Variants in CACNA2D3 observed in about 807,000 individuals in gnomAD.
CACNA2D3 encodes voltage-dependent calcium channel subunit alpha-2/delta-3.
A neutral mutation model predicts 160.6 loss-of-function variants in CACNA2D3; 60 were observed. The ratio of observed to expected loss-of-function variants is 0.37; its 90% CI spans 0.30 to 0.46. The LOEUF is 0.46. CACNA2D3 is among the 20% of genes least tolerant of loss of function. The probability of loss-of-function intolerance (pLI) is 1.00; values close to 1 mark genes in which losing one functional copy is unlikely to be tolerated. For synonymous variants in CACNA2D3, 558 were observed against 492.9 expected (o/e 1.13, Z -1.75); for missense variants, 1,205 against 1,365.0 (o/e 0.88, Z 1.85).
At chr3:54,499,283 G>T (rs1018777705) in intron 4 of CACNA2D3, among the ~76,000 whole-genome samples, 3 of 152,082 alleles carry the variant, frequency 2.0e-5, no homozygotes, top group Admixed American at 1.3e-4. Flanking sequence ...GATTCCTTGG[G>T]ACTTTGCCTC....
chr3:54,935,313 T>A (rs1473679697), intron 27 of CACNA2D3, among the ~76,000 whole-genome samples: 2 of 152,168 alleles, frequency 1.3e-5, no homozygotes, highest in Non-Finnish European at 2.9e-5. Context: ...ATCTTCCCAA[T>A]GTCAGCCTTC....
At chr3:54,793,065 G>A (rs1702794738) in intron 13 of CACNA2D3, among the ~76,000 whole-genome samples, 1 of 152,176 alleles carries the variant, frequency 6.6e-6, no homozygotes, top group Non-Finnish European at 1.5e-5. Flanking sequence ...AGTGATGGGA[G>A]ACTTATACCT....
intron 7 of CACNA2D3, 47 bp from the exon 8 acceptor site, chr3:54,569,907 G>T (rs768762688): frequency 4.3e-6 from 7 of 1,613,292 alleles, no homozygotes; most frequent in Non-Finnish European, 5.9e-6. Context: ...ATCTTGAAGA[G>T]AAGTGAAGTC....
At chr3:55,029,222 C>T (rs1703631755) in intron 35 of CACNA2D3, among the ~76,000 whole-genome samples, 1 of 152,114 alleles carries the variant, frequency 6.6e-6, no homozygotes, top group Admixed American at 6.6e-5. Context: ...AAGAAGGTGG[C>T]CTCTGGGACT....
Position 55,037,844 on chromosome 3 carries a change from A to G in CACNA2D3, c.2987+19527A>G, listed in dbSNP as rs578220453. ...TAAGGTACAACCCTGCCGTTTTTAGATGAAAGTAAATATATTTTATTAAAT... is the reference window on the plus strand; with the variant it reads ...TAAGGTACAACCCTGCCGTTTTTAGGTGAAAGTAAATATATTTTATTAAAT... On this transcript the variant is annotated intron_variant, in intron 35 of 37. Transcript: ENST00000474759. Among the ~76,000 whole-genome samples, 7 of 152,304 alleles carry G rather than the reference A, an allele frequency of 4.6e-5. No individual in the cohort carries two copies. In the South Asian group the frequency reaches 1.5e-3, roughly 32 times the overall value.
chr3:54,268,000 G>T (rs1702552130), intron 2 of CACNA2D3, among the ~76,000 whole-genome samples: 1 of 152,078 alleles, frequency 6.6e-6, no homozygotes, highest in Admixed American at 6.6e-5. Flanking sequence ...AGTTAGAATT[G>T]ATGAAAAAAT....
intron 9 of CACNA2D3, chr3:54,626,196 T>A (rs1699096366): frequency 1.3e-6 from 1 of 789,822 alleles, no homozygotes; most frequent in Admixed American, 2.1e-5. Context: ...AGAGAGCTCT[T>A]TTCTGAGGAT....
intron 14 of CACNA2D3, among the ~76,000 whole-genome samples, chr3:54,833,105 G>C (rs533323005): frequency 6.6e-6 from 1 of 152,328 alleles, no homozygotes; most frequent in Non-Finnish European, 1.5e-5. Context: ...ACAGGAAGCA[G>C]TCAATCTGTT....
rs578100218 is a variant in CACNA2D3, at chr3:54,756,204, G to T, written c.1246+3527G>T. Among the ~76,000 whole-genome samples the T allele has an allele frequency of 9.2e-4, 140 of 152,218 alleles. 1 individual carries two copies. The highest frequency in any genetic ancestry group is 3.3e-3 in the African/African-American group (137 of 41,532). Reference sequence around the variant, plus strand: ...CTCCTTCCCTTCCTGTCTACATCCAGTTATTTCCCTTCCTACCAGAGTCAG... The same window carrying T: ...CTCCTTCCCTTCCTGTCTACATCCATTTATTTCCCTTCCTACCAGAGTCAG... On this transcript the variant is annotated intron_variant, in intron 12 of 37. Transcript: ENST00000474759.
intron 35 of CACNA2D3, among the ~76,000 whole-genome samples, chr3:55,049,355 T>C (rs1360937031): frequency 7.0e-6 from 1 of 142,702 alleles, no homozygotes; most frequent in East Asian, 2.0e-4. Flanking sequence ...TTCATTTCGT[T>C]ATGTACCCAG....
At chr3:54,216,188 G>C (rs73087926) in intron 2 of CACNA2D3, among the ~76,000 whole-genome samples, 9 of 152,010 alleles carry the variant, frequency 5.9e-5, no homozygotes, top group African/African-American at 2.2e-4. Flanking sequence ...AGCACAGTTC[G>C]AGAAGCCTGA....
chr3:54,812,812 G>A (rs886499399), intron 13 of CACNA2D3, among the ~76,000 whole-genome samples: 1 of 152,190 alleles, frequency 6.6e-6, no homozygotes, highest in African/African-American at 2.4e-5. Flanking sequence ...TGACCTTGGT[G>A]AGATACTTAA....
At chr3:54,222,676 T>G (rs1358585223) in intron 2 of CACNA2D3, among the ~76,000 whole-genome samples, 4 of 152,216 alleles carry the variant, frequency 2.6e-5, no homozygotes, top group Non-Finnish European at 4.4e-5. Context: ...TTCTAAACAT[T>G]TGTGGAATTT....
intron 4 of CACNA2D3, among the ~76,000 whole-genome samples, chr3:54,463,573 T>G (rs1043040727): frequency 2.0e-5 from 3 of 151,360 alleles, no homozygotes; most frequent in Non-Finnish European, 4.4e-5. Flanking sequence ...CATCGGCTCC[T>G]GAGGCTTCTG....
At chr3:54,667,742 C>G (rs1281435497) in intron 11 of CACNA2D3, among the ~76,000 whole-genome samples, 2 of 152,082 alleles carry the variant, frequency 1.3e-5, no homozygotes, top group Non-Finnish European at 2.9e-5. Context: ...CCCAGGACTT[C>G]AAGATCAACC....
At chr3:54,188,734 C>T (rs1319627298) in intron 2 of CACNA2D3, among the ~76,000 whole-genome samples, 2 of 152,148 alleles carry the variant, frequency 1.3e-5, no homozygotes, top group Admixed American at 6.5e-5. Context: ...AGATAATGAA[C>T]ACAGGGCCCC....
intron 24 of CACNA2D3, 22 bp from the exon 25 acceptor site, chr3:54,891,333 G>A (rs1436663107): frequency 1.3e-6 from 2 of 1,581,960 alleles, no homozygotes; most frequent in Non-Finnish European, 1.7e-6. Context: ...GCCTCCCCCT[G>A]ACGTCTGTTG....
intron 3 of CACNA2D3, among the ~76,000 whole-genome samples, chr3:54,345,890 A>G (rs1559456271): frequency 3.9e-5 from 6 of 151,968 alleles, no homozygotes; most frequent in Admixed American, 1.3e-4. Flanking sequence ...TTTGCAGGAA[A>G]TCAGGTGTTG....
At chr3:54,312,519 A>T (rs1438992492) in intron 2 of CACNA2D3, among the ~76,000 whole-genome samples, 1 of 152,190 alleles carries the variant, frequency 6.6e-6, no homozygotes, top group Non-Finnish European at 1.5e-5. Context: ...TCACTTTTAG[A>T]TACACAATTC....
Sources: allele counts gnomAD v4.1 joint callset (sites outside exome capture counted in the v4.1 genomes callset), GRCh38; gene constraint gnomAD v4.1.1; transcripts MANE v1.5; gene names NCBI Gene and HGNC (gene_info 2026-07-23, HGNC 2026-07-21).